KMT2C: variants seen among roughly 807,000 people sequenced by gnomAD.
KMT2C encodes lysine methyltransferase 2C.
A neutral mutation model predicts 507.9 loss-of-function variants in KMT2C; 88 were observed. The ratio of observed to expected loss-of-function variants is 0.17; its 90% CI spans 0.15 to 0.21. The LOEUF (loss-of-function observed/expected upper bound fraction) is 0.21. Ranked by LOEUF, KMT2C falls within the 10% of genes least tolerant of loss-of-function variation. KMT2C has a pLI of 1.00. For synonymous variants in KMT2C, 2,049 were observed against 2,080.8 expected (o/e 0.98, Z 0.42); for missense variants, 4,954 against 5,957.8 (o/e 0.83, Z 5.55).
At chr7:152,386,338 C>A (rs2097426194) in intron 1 of KMT2C, among the ~76,000 whole-genome samples, 1 of 152,310 alleles carries the variant, frequency 6.6e-6, no homozygotes, top group Non-Finnish European at 1.5e-5. Context: ...CATTATCATC[C>A]CCCTTCCCAC....
intron 2 of KMT2C, among the ~76,000 whole-genome samples, chr7:152,338,911 G>A (rs1432488930): frequency 6.6e-6 from 1 of 152,152 alleles, no homozygotes; most frequent in Non-Finnish European, 1.5e-5. Context: ...TCTTTTTTAA[G>A]CACTGCTGAA....
At chr7:152,386,962 T>C (rs11760579) in intron 1 of KMT2C, among the ~76,000 whole-genome samples, 1,568 of 152,314 alleles carry the variant, frequency 0.01, 13 homozygotes, top group Non-Finnish European at 0.016. Flanking sequence ...ATACATTTTA[T>C]ATAGAATTTT....
intron 47 of KMT2C, 22 bp from the exon 48 acceptor site, chr7:152,154,168 A>G (rs749802273): frequency 2.4e-5 from 38 of 1,612,474 alleles, no homozygotes; most frequent in Admixed American, 3.3e-5. Flanking sequence ...GAGAAAAAAA[A>G]GAGGAAAATA....
chr7:152,320,049 T>C lies in KMT2C; in HGVS notation c.390-4711A>G, dbSNP rs377339656. Reference sequence around the variant, plus strand: ...GTCCCCCGGGCCCAGCTGTCTTTTCTTTTATCTCTGTCTTGTGTCTTTATT... The same window carrying C: ...GTCCCCCGGGCCCAGCTGTCTTTTCCTTTATCTCTGTCTTGTGTCTTTATT... On this transcript the variant is annotated intron_variant, in intron 3 of 58. Coordinates refer to ENST00000262189, the MANE Select transcript of KMT2C (RefSeq NM_170606.3). Among the ~76,000 whole-genome samples the C allele has an allele frequency of 7.9e-5, 12 of 152,270 alleles. No homozygotes were observed. The East Asian group carries it at 1.4e-3, about 17-fold the overall frequency.
At chr7:152,145,600 G>C (rs2091028538) in intron 53 of KMT2C, among the ~76,000 whole-genome samples, 1 of 152,208 alleles carries the variant, frequency 6.6e-6, no homozygotes, top group South Asian at 2.1e-4. Flanking sequence ...TTCAGGGCCT[G>C]ACTGAAACAC....
intron 2 of KMT2C, among the ~76,000 whole-genome samples, chr7:152,357,147 A>T (rs2097158723): frequency 6.6e-6 from 1 of 151,592 alleles, no homozygotes; most frequent in Non-Finnish European, 1.5e-5. Context: ...GAACTGCATG[A>T]GCCCGGCGGG....
At position 152,176,701 on chromosome 7, in the gene KMT2C, G is replaced by C. The variant is rs1303449108; in HGVS notation, c.8752C>G (p.Leu2918Val). 3 of 1,614,228 alleles carry C rather than the reference G, an allele frequency of 1.9e-6. No individual in the cohort carries two copies. Among genetic ancestry groups the C allele is most frequent in the South Asian group, 1.1e-5 (1 of 91,084 alleles). The change falls in exon 38 of 59, where the codon CTC becomes GTC. Residue 2918 changes from leucine (L) to valine (V), a missense_variant. Around this residue, in one of 29 missense-constraint regions of KMT2C, gnomAD observed 1,689 missense variants for 1,654.3 expected, o/e 1.02. Coordinates refer to ENST00000262189, the MANE Select transcript of KMT2C (RefSeq NM_170606.3). ...SCGITGSTPV[L>V]SSLLANEKSD... ...TTCTCATTAGCAAGTAAACTTGAGA[G>C]AACTGGAGTTGATCCAGTTATGCCA... is the stretch of plus-strand genomic sequence containing the variant.
At chr7:152,422,787 G>C (rs1261278251) in intron 1 of KMT2C, among the ~76,000 whole-genome samples, 1 of 152,050 alleles carries the variant, frequency 6.6e-6, no homozygotes, top group Non-Finnish European at 1.5e-5. Flanking sequence ...ACTTTGGAAG[G>C]CCAAGGCAGG....
intron 13 of KMT2C, among the ~76,000 whole-genome samples, chr7:152,249,320 G>GTTTTTT (rs200151238): frequency 6.3e-5 from 6 of 94,642 alleles, no homozygotes; most frequent in African/African-American, 1.9e-4. Flanking sequence ...AATTTATCTG[G>GTTTTTT]TTTTTTTTTT....
chr7:152,389,293 A>T (rs2097466063), intron 1 of KMT2C, among the ~76,000 whole-genome samples: 1 of 146,764 alleles, frequency 6.8e-6, no homozygotes, highest in South Asian at 2.2e-4. Flanking sequence ...TGAACCTGGG[A>T]GGCCGAGACT....
At position 152,215,007 on chromosome 7, in the gene KMT2C, C is replaced by G. The variant is rs371734829; in HGVS notation, c.3712+5516G>C. ...GTGAAGGATACAGACATTTGTTTGACCATAGTAATCATTTCACTATGTATA... is the reference window on the plus strand; with the variant it reads ...GTGAAGGATACAGACATTTGTTTGAGCATAGTAATCATTTCACTATGTATA... On this transcript the variant is annotated intron_variant, in intron 23 of 58. Coordinates refer to ENST00000262189, the MANE Select transcript of KMT2C (RefSeq NM_170606.3). 3.0e-4 allele frequency among the ~76,000 whole-genome samples: 46 copies of G among 151,904 alleles called. No homozygotes were observed. In the East Asian group the frequency reaches 8.1e-3, roughly 27 times the overall value.
chr7:152,182,281 G>C lies in KMT2C; in HGVS notation c.5579C>G (p.Ser1860Cys), dbSNP rs200537294. 78 of 1,614,164 alleles carry C rather than the reference G, an allele frequency of 4.8e-5. No homozygotes were observed. The highest frequency in any genetic ancestry group is 1.9e-5 in the Non-Finnish European group (22 of 1,180,016). Residue 1860 changes from serine (S) to cysteine (C), a missense_variant, in exon 36 of 59, where the codon TCC (serine) becomes TGC (cysteine). Coordinates refer to ENST00000262189, the MANE Select transcript of KMT2C (RefSeq NM_170606.3). The part of the protein sequence containing the change: ...PQAPPPPPAP[S>C]RIPIQDSLSQ... ...AAGACTATCCTGGATGGGAATCCGG[G>C]ATGGGGCTGGAGGAGGAGGTGGAGC... is the stretch of plus-strand genomic sequence containing the variant.
intron 2 of KMT2C, among the ~76,000 whole-genome samples, chr7:152,358,175 C>G (rs2097167573): frequency 6.6e-6 from 1 of 152,146 alleles, no homozygotes; most frequent in Admixed American, 6.5e-5. Context: ...CTAGTTTGGC[C>G]TAGCCTTTCA....
chr7:152,331,426 G>A (rs969610097), intron 2 of KMT2C, among the ~76,000 whole-genome samples: 2 of 151,802 alleles, frequency 1.3e-5, no homozygotes, highest in African/African-American at 2.4e-5. Context: ...AAGACAGCCT[G>A]GGAAACATGG....
chr7:152,164,111 TG>T (rs2092604999), intron 42 of KMT2C, among the ~76,000 whole-genome samples: 1 of 152,102 alleles, frequency 6.6e-6, no homozygotes, highest in Non-Finnish European at 1.5e-5. Context: ...AATCTTATGG[TG>T]AAACTCATAT....
chr7:152,243,382 TAAAA>T, intron 14 of KMT2C, among the ~76,000 whole-genome samples: 1 of 152,366 alleles, frequency 6.6e-6, no homozygotes, highest in East Asian at 1.9e-4. Flanking sequence ...TGGCTACTTT[TAAAA>T]CTGAAAGTAC....
intron 2 of KMT2C, among the ~76,000 whole-genome samples, chr7:152,337,318 TA>T (rs1162653120): frequency 6.6e-6 from 1 of 152,178 alleles, no homozygotes; most frequent in Non-Finnish European, 1.5e-5. Flanking sequence ...AGTAGATTCC[TA>T]AGAGAACTTG....
chr7:152,330,672 T>C lies in KMT2C; in HGVS notation c.318A>G (p.Pro106=). The stretch of plus-strand genomic sequence containing the variant: ...CCTCAGACACAGATCGCTGAAGAGT[T>C]GGAATTAGCTGTTTGCTGTTATCCA... The part of the protein sequence containing the change: ...AEVDNSKQLI[P]TLQRSVSEES... Residue 106 remains proline (P), a synonymous_variant, in exon 3 of 59, where the codon CCA becomes CCG. Coordinates refer to ENST00000262189, the MANE Select transcript of KMT2C (RefSeq NM_170606.3). The C allele has an allele frequency of 6.2e-7, 1 of 1,614,092 alleles. No homozygotes were observed. The highest frequency in any genetic ancestry group is 8.5e-7 in the Non-Finnish European group (1 of 1,179,936).
intron 8 of KMT2C, 26 bp downstream of exon 8, chr7:152,265,012 A>C (rs769417928): frequency 3.1e-6 from 5 of 1,612,854 alleles, no homozygotes; most frequent in African/African-American, 2.7e-5. Flanking sequence ...CCCAATACAC[A>C]GCTTTGAATT....
Sources: allele counts gnomAD v4.1 joint callset (sites outside exome capture counted in the v4.1 genomes callset), GRCh38; gene constraint gnomAD v4.1.1; regional missense constraint gnomAD v4.1.1; transcripts MANE v1.5; gene names NCBI Gene and HGNC (gene_info 2026-07-23, HGNC 2026-07-21).